The following RAB11FIP2 variants were observed in gnomAD, a reference collection of about 807,000 sequenced individuals.
The protein encoded by RAB11FIP2 is RAB11 family interacting protein 2, also known as rab11 family-interacting protein 2.
In RAB11FIP2, 16 loss-of-function variants were observed where a neutral mutation model predicts 40.9. The ratio of observed to expected loss-of-function variants is 0.39; its 90% CI spans 0.26 to 0.59. RAB11FIP2 has a LOEUF of 0.59. Ranked by LOEUF, RAB11FIP2 falls within the 20% of genes least tolerant of loss-of-function variation. The pLI is 0.53. For missense variants in RAB11FIP2, 532 were observed against 606.2 expected (o/e 0.88, Z 1.28); for synonymous variants, 228 against 213.7 (o/e 1.07, Z -0.58).
chr10:118,006,861 G>A lies in RAB11FIP2; in HGVS notation c.*2137C>T, dbSNP rs544928467. ...CTAAGCCTCAATAGCTTTTATATAG[G>A]AAAAGAATCGCTCCTTAAAAATCAA... On this transcript the variant is annotated 3_prime_UTR_variant, in exon 5 of 5. Transcript: ENST00000355624. 5.3e-5 allele frequency: 8 copies of A among 152,292 alleles called. No homozygotes were observed. The highest frequency in any genetic ancestry group is 1.7e-4 in the African/African-American group (7 of 41,504). The allele number at this position is 152,292 out of a possible 1,614,324, so 9.4% of individuals were successfully genotyped here. A position where few individuals can be genotyped will look rare whatever the true frequency, so the allele number is the denominator to read the frequency against.
chr10:118,009,237 T>A lies in RAB11FIP2; in HGVS notation c.1312-12A>T. ...AAGGGGTTGCTGTCCTAGAACAGGA[T>A]AAAGACTGTCACTTTCATAGATATA... On this transcript the variant is annotated splice_polypyrimidine_tract_variant and intron_variant, in intron 4 of 4. Coordinates refer to ENST00000355624, the MANE Select transcript of RAB11FIP2 (RefSeq NM_014904.3). The A allele has an allele frequency of 1.9e-6, 3 of 1,588,302 alleles. No individual in the cohort carries two copies. The South Asian group carries it at 3.3e-5, about 18-fold the overall frequency.
Position 118,040,487 on chromosome 10 carries a change from C to A in RAB11FIP2, c.432G>T (p.Arg144Ser). 6.2e-7 allele frequency: 1 copy of A among 1,613,006 alleles called. No individual in the cohort carries two copies. The highest frequency in any genetic ancestry group is 8.5e-7 in the Non-Finnish European group (1 of 1,179,290). ...CAAACATACTTGCGGTCATATTGTTCCTCATAAACTGAATATTGACCTTTA... is the reference window on the plus strand; with the variant it reads ...CAAACATACTTGCGGTCATATTGTTACTCATAAACTGAATATTGACCTTTA... Reference protein sequence around the residue: ...GEIKVNIQFMRNNMTASMFDL... With the variant: ...GEIKVNIQFMSNNMTASMFDL... The change falls in exon 2 of 5, where the codon AGG (arginine) becomes AGT (serine). Residue 144 changes from arginine to serine, a missense_variant. Arg to Ser is a moderately radical substitution (Grantham distance 110, BLOSUM62 -1). Transcript: ENST00000355624.
chr10:118,037,244 T>C (rs1390474525), intron 3 of RAB11FIP2, among the ~76,000 whole-genome samples: 1 of 152,088 alleles, frequency 6.6e-6, no homozygotes, highest in African/African-American at 2.4e-5. Context: ...TTCAATAAAA[T>C]ATTGATACCA....
intron 3 of RAB11FIP2, among the ~76,000 whole-genome samples, chr10:118,037,698 C>T (rs1317717862): frequency 6.6e-6 from 1 of 151,992 alleles, no homozygotes; most frequent in East Asian, 1.9e-4. Flanking sequence ...AGCCAGTATT[C>T]CCATTCAGGT....
rs923224506 is a variant in RAB11FIP2 at position 118,046,911 on chromosome 10, T to A, written c.-748A>T. 1 of 153,404 alleles carries A rather than the reference T, an allele frequency of 6.5e-6. No individual in the cohort carries two copies. Among genetic ancestry groups the A allele is most frequent in the African/African-American group, 2.4e-5 (1 of 41,400 alleles). 9.5% of individuals were successfully genotyped at this position (153,404 alleles called of 1,614,324 possible). A position where few individuals can be genotyped will look rare whatever the true frequency, so the allele number is the denominator to read the frequency against. ...GGGCGGCTGCGGCGGCACTTCCGGG[T>A]TGGCCTTCTCCATGTTGGTCTCGGG... On this transcript the variant is annotated 5_prime_UTR_variant, in exon 1 of 5. Coordinates refer to ENST00000355624, the MANE Select transcript of RAB11FIP2 (RefSeq NM_014904.3).
intron 3 of RAB11FIP2, among the ~76,000 whole-genome samples, chr10:118,024,490 TGTG>T: frequency 6.9e-6 from 1 of 144,374 alleles, no homozygotes; most frequent in Non-Finnish European, 1.5e-5. Context: ...TGTGTGTGTG[TGTG>T]TGTGTGTGTG....
chr10:118,038,807 A>T (rs556168731), intron 3 of RAB11FIP2, 165 bp downstream of exon 3: 1 of 572,428 alleles, frequency 1.7e-6, no homozygotes, highest in African/African-American at 1.9e-5. Flanking sequence ...CAGTTCCAAA[A>T]ATATATGCAA....
intron 3 of RAB11FIP2, among the ~76,000 whole-genome samples, chr10:118,019,034 C>G (rs570470913): frequency 2.0e-5 from 3 of 150,794 alleles, no homozygotes; most frequent in Admixed American, 6.6e-5. Context: ...AAAAAAAAAC[C>G]CTACATAAGA....
Position 118,040,149 on chromosome 10 carries a change from T to A in RAB11FIP2, c.770A>T (p.Asp257Val), listed in dbSNP as rs763342986. 6.2e-7 allele frequency: 1 copy of A among 1,613,664 alleles called. No homozygotes were observed. The change falls in exon 2 of 5, where the codon GAT (aspartate) becomes GTT (valine). Residue 257 changes from aspartate (D) to valine (V), a missense_variant. Transcript: ENST00000355624. ...GQTHLLGHQL[D>V]SFGTVPESGS... is the part of the protein sequence containing the mutation. ...ACTTTCTGGAACTGTTCCAAAGGAA[T>A]CTAACTGGTGTCCGAGAAGATGTGT...
At chr10:118,042,443 A>G (rs79118118) in intron 1 of RAB11FIP2, among the ~76,000 whole-genome samples, 2 of 152,186 alleles carry the variant, frequency 1.3e-5, no homozygotes, top group East Asian at 3.8e-4. Context: ...AAAAAAATCT[A>G]AAGTTGATGA....
In RAB11FIP2 at chr10:118,008,639, G is replaced by C. The variant is rs146996454; in HGVS notation, c.*359C>G. The stretch of plus-strand genomic sequence containing the variant: ...CTGATTTCTGAGAAACCAGCCACAG[G>C]ATCAATTCTGCTTTATGAAAAATCT... On this transcript the variant is annotated 3_prime_UTR_variant, in exon 5 of 5. Coordinates refer to ENST00000355624, the MANE Select transcript of RAB11FIP2 (RefSeq NM_014904.3). 9.7e-3 allele frequency: 1,896 copies of C among 195,196 alleles called. 13 individuals are homozygous for C. The highest frequency in any genetic ancestry group is 0.015 in the South Asian group (140 of 9,440). The allele number at this position is 195,196 out of a possible 1,614,324, so 12.1% of individuals were successfully genotyped here.
At chr10:118,032,755 G>C (rs1846430402) in intron 3 of RAB11FIP2, among the ~76,000 whole-genome samples, 1 of 152,084 alleles carries the variant, frequency 6.6e-6, no homozygotes, top group Non-Finnish European at 1.5e-5. Context: ...CTTCTGAGTA[G>C]CCTCATGACA....
At chr10:118,043,379 G>A (rs1020559247) in intron 1 of RAB11FIP2, 1 of 151,056 alleles carries the variant, frequency 6.6e-6, no homozygotes, top group Non-Finnish European at 1.5e-5. Context: ...TTACACAACA[G>A]CATCAATGAT....
chr10:118,024,851 A>C (rs1389672104), intron 3 of RAB11FIP2, among the ~76,000 whole-genome samples: 2 of 152,178 alleles, frequency 1.3e-5, no homozygotes, highest in East Asian at 3.9e-4. Flanking sequence ...TCTGGTTACC[A>C]GGAAGGCCTC....
Position 118,005,987 on chromosome 10 carries a change from G to A in RAB11FIP2, c.*3011C>T, listed in dbSNP as rs1347943637. Reference sequence around the variant, plus strand: ...TCTTGATTTACCACCAAAAGCAATAGATGTAGTTATGTATAATCTATAGAT... The same window carrying A: ...TCTTGATTTACCACCAAAAGCAATAAATGTAGTTATGTATAATCTATAGAT... On this transcript the variant is annotated 3_prime_UTR_variant, in exon 5 of 5. Coordinates refer to ENST00000355624, the MANE Select transcript of RAB11FIP2 (RefSeq NM_014904.3). 1 of 152,562 alleles carries A rather than the reference G, an allele frequency of 6.6e-6. No individual in the cohort carries two copies. The highest frequency in any genetic ancestry group is 1.5e-5 in the Non-Finnish European group (1 of 68,028). 9.5% of individuals were successfully genotyped at this position (152,562 alleles called of 1,614,324 possible). A position where few individuals can be genotyped will look rare whatever the true frequency, so the allele number is the denominator to read the frequency against.
rs1183493707 is a variant in RAB11FIP2, at chr10:118,008,956, C to G, written c.*42G>C. ...TTTTTCCTTCCTTCCTTCTTTCTTTCTCTCTCTTTGTCCAATTATCAATAC... is the reference window on the plus strand; with the variant it reads ...TTTTTCCTTCCTTCCTTCTTTCTTTGTCTCTCTTTGTCCAATTATCAATAC... On this transcript the variant is annotated 3_prime_UTR_variant, in exon 5 of 5. Coordinates refer to ENST00000355624, the MANE Select transcript of RAB11FIP2 (RefSeq NM_014904.3). The G allele has an allele frequency of 6.7e-7, 1 of 1,484,322 alleles. No individual in the cohort carries two copies. Among genetic ancestry groups the G allele is most frequent in the Non-Finnish European group, 9.3e-7 (1 of 1,071,358 alleles). 91.9% of individuals were successfully genotyped at this position (1,484,322 alleles called of 1,614,324 possible).
chr10:118,015,968 T>C (rs1310525802), intron 3 of RAB11FIP2, among the ~76,000 whole-genome samples: 1 of 152,268 alleles, frequency 6.6e-6, no homozygotes, highest in Non-Finnish European at 1.5e-5. Context: ...GTTTTCATTA[T>C]CTGTCCCTTG....
At chr10:118,021,164 T>C (rs1227941073) in intron 3 of RAB11FIP2, among the ~76,000 whole-genome samples, 2 of 152,198 alleles carry the variant, frequency 1.3e-5, no homozygotes, top group Non-Finnish European at 2.9e-5. Context: ...TGTTCAAAAT[T>C]ATTTTCCATT....
rs1564696606 is a variant in RAB11FIP2 at position 118,045,696 on chromosome 10, GATC to G, written c.353+112_353+114del. 1.5e-5 allele frequency: 12 copies of G among 797,116 alleles called. 1 individual carries two copies. In the South Asian group the frequency reaches 1.8e-4, roughly 12 times the overall value. The allele number at this position is 797,116 out of a possible 1,614,324, so 49.4% of individuals were successfully genotyped here. On this transcript the variant is annotated intron_variant, in intron 1 of 4. Coordinates refer to ENST00000355624, the MANE Select transcript of RAB11FIP2 (RefSeq NM_014904.3). ...CATGCAAATATGGTGCTTAAAACTG[GATC>G]ATATTTCAATCCAAAAACCAACGCC...
Sources: gnomAD v4.1 joint callset for allele counts (sites outside exome capture counted in the v4.1 genomes callset) on GRCh38, gnomAD v4.1.1 for gene constraint, MANE v1.5 for transcripts, NCBI Gene and HGNC (gene_info 2026-07-23, HGNC 2026-07-21) for gene names.